TEC: variants seen among roughly 807,000 people sequenced by gnomAD.
TEC encodes tyrosine-protein kinase Tec.
In TEC, 72 loss-of-function variants were observed where a neutral mutation model predicts 93.0. The observed-to-expected ratio is 0.77, with a 90% CI of 0.64 to 0.94. The LOEUF is 0.94. Among genes scored for constraint, TEC ranks in the 40% least tolerant of loss-of-function variants. TEC has a pLI of 0.00. For missense variants in TEC, 630 were observed against 757.9 expected (o/e 0.83, Z 1.98); for synonymous variants, 249 against 247.7 (o/e 1.01, Z -0.05).
intron 12 of TEC, among the ~76,000 whole-genome samples, chr4:48,145,896 GT>G (rs1050590797): frequency 5.8e-4 from 87 of 148,790 alleles, no homozygotes; most frequent in African/African-American, 1.3e-3. Context: ...TCCTTCTCAG[GT>G]TTTTTTTTTG....
intron 1 of TEC, among the ~76,000 whole-genome samples, chr4:48,267,069 T>TG (rs756305015): frequency 6.6e-6 from 1 of 152,186 alleles, no homozygotes; most frequent in Non-Finnish European, 1.5e-5. Flanking sequence ...AAGCCACAAA[T>TG]GGCAAAGAAT....
intron 14 of TEC, among the ~76,000 whole-genome samples, chr4:48,143,752 C>G (rs893547047): frequency 6.6e-6 from 1 of 152,146 alleles, no homozygotes; most frequent in Admixed American, 6.5e-5. Flanking sequence ...GGGTTCAAAT[C>G]CTGGCTCTAC....
intron 2 of TEC, among the ~76,000 whole-genome samples, chr4:48,213,795 AT>A (rs1005697515): frequency 2.0e-5 from 3 of 151,988 alleles, no homozygotes; most frequent in Non-Finnish European, 4.4e-5. Context: ...CTTGTTTTAG[AT>A]TTTTTTTAAG....
chr4:48,171,086 A>T (rs996069207), intron 4 of TEC, among the ~76,000 whole-genome samples: 1 of 152,238 alleles, frequency 6.6e-6, no homozygotes, highest in Non-Finnish European at 1.5e-5. Flanking sequence ...TTCTGTTATC[A>T]TAAAAGCTTG....
At chr4:48,265,726 T>C (rs1724624390) in intron 1 of TEC, among the ~76,000 whole-genome samples, 1 of 152,100 alleles carries the variant, frequency 6.6e-6, no homozygotes, top group Non-Finnish European at 1.5e-5. Context: ...TTGTCCAGAC[T>C]GGTCTCGAAC....
At chr4:48,194,115 C>A (rs547660800) in intron 2 of TEC, among the ~76,000 whole-genome samples, 21 of 152,312 alleles carry the variant, frequency 1.4e-4, no homozygotes, top group Non-Finnish European at 2.4e-4. Flanking sequence ...AATGACAGCC[C>A]TGAGGGTGGG....
intron 2 of TEC, among the ~76,000 whole-genome samples, chr4:48,214,005 ATTATG>A (rs1722992366): frequency 6.6e-6 from 1 of 152,194 alleles, no homozygotes; most frequent in African/African-American, 2.4e-5. Context: ...ATGGAACAAA[ATTATG>A]TGGGGAGTAA....
chr4:48,146,915 A>C (rs953726692), intron 11 of TEC, among the ~76,000 whole-genome samples: 1 of 152,176 alleles, frequency 6.6e-6, no homozygotes, highest in Non-Finnish European at 1.5e-5. Context: ...TATTTCCTCT[A>C]CTACAAGATA....
In TEC at chr4:48,171,468, T is replaced by C; in HGVS notation, c.244-19A>G. ...GAACAACCTAAAATAAAACAAAAGA[T>C]GGAATTGGTGAAGAGGACTTAGACA... On this transcript the variant is annotated intron_variant, in intron 3 of 17. Coordinates refer to ENST00000381501, the MANE Select transcript of TEC (RefSeq NM_003215.3). The C allele has an allele frequency of 8.1e-6, 13 of 1,608,816 alleles. No homozygotes were observed. The highest frequency in any genetic ancestry group is 1.1e-5 in the Non-Finnish European group (13 of 1,176,428).
intron 2 of TEC, among the ~76,000 whole-genome samples, chr4:48,194,511 C>G (rs1577741628): frequency 6.6e-6 from 1 of 152,202 alleles, no homozygotes; most frequent in Non-Finnish European, 1.5e-5. Flanking sequence ...ATAATGGCAG[C>G]TTTCCTATAC....
chr4:48,245,087 T>C lies in TEC; in HGVS notation c.-45-16428A>G, dbSNP rs1560423644. ...AGGCGGGAGTATCACGAGGTGAGGA[T>C]ATTCAGACCATCCTGGCCAACATGG... On this transcript the variant is annotated intron_variant, in intron 1 of 17. Coordinates refer to ENST00000381501, the MANE Select transcript of TEC (RefSeq NM_003215.3). Among the ~76,000 whole-genome samples the C allele has an allele frequency of 2.6e-5, 4 of 151,980 alleles. No homozygotes were observed. In the South Asian group the frequency reaches 8.3e-4, roughly 32 times the overall value.
In TEC at chr4:48,135,790, C is replaced by A. The variant is rs1045701228; in HGVS notation, c.*1626G>T. 1 of 152,116 alleles carries A rather than the reference C, an allele frequency of 6.6e-6. No individual in the cohort carries two copies. Among genetic ancestry groups the A allele is most frequent in the African/African-American group, 2.4e-5 (1 of 41,394 alleles). The allele number at this position is 152,116 out of a possible 1,614,324, so 9.4% of individuals were successfully genotyped here. On this transcript the variant is annotated 3_prime_UTR_variant, in exon 18 of 18. Coordinates refer to ENST00000381501, the MANE Select transcript of TEC (RefSeq NM_003215.3). The stretch of plus-strand genomic sequence containing the variant: ...GAATGTGGCAGATTGTGATAAGGCT[C>A]GGGATAAGCAGTTTACTTTCTTCCA...
At chr4:48,183,743 T>A (rs568682243) in intron 2 of TEC, among the ~76,000 whole-genome samples, 12 of 152,330 alleles carry the variant, frequency 7.9e-5, no homozygotes, top group African/African-American at 2.6e-4. Context: ...GCCTCCATAA[T>A]CTATTGCGTG....
chr4:48,193,559 G>A (rs1722168557), intron 2 of TEC, among the ~76,000 whole-genome samples: 1 of 152,100 alleles, frequency 6.6e-6, no homozygotes, highest in Non-Finnish European at 1.5e-5. Flanking sequence ...AGGGAGAGAT[G>A]GTTATCATTG....
rs147861414 is a variant in TEC at position 48,179,173 on chromosome 4, T to C, written c.139-2987A>G. Among the ~76,000 whole-genome samples, 424 of 151,810 alleles carry C rather than the reference T, an allele frequency of 2.8e-3. 4 individuals carry two copies. The highest frequency in any genetic ancestry group is 9.9e-3 in the African/African-American group (410 of 41,378). ...AATAGGACAAGCTCATTTCCTGAGC[T>C]TGTAGCCGCAGAATTGGGCCAGGTG... On this transcript the variant is annotated intron_variant, in intron 2 of 17. Coordinates refer to ENST00000381501, the MANE Select transcript of TEC (RefSeq NM_003215.3).
intron 10 of TEC, among the ~76,000 whole-genome samples, chr4:48,149,908 G>A (rs1324812721): frequency 2.0e-5 from 3 of 152,216 alleles, no homozygotes; most frequent in Non-Finnish European, 4.4e-5. Context: ...CCCTTTGCAT[G>A]AGATTTTGAA....
chr4:48,170,020 G>C (rs1182691638), intron 5 of TEC, among the ~76,000 whole-genome samples: 1 of 152,138 alleles, frequency 6.6e-6, no homozygotes, highest in African/African-American at 2.4e-5. Context: ...GATTCATTTT[G>C]AACAAGATTC....
Position 48,137,394 on chromosome 4 carries a change from G to C in TEC, c.*22C>G, listed in dbSNP as rs1719470540. On this transcript the variant is annotated 3_prime_UTR_variant, in exon 18 of 18. Coordinates refer to ENST00000381501, the MANE Select transcript of TEC (RefSeq NM_003215.3). ...ATCCTTCCTTGTGCTTGGGAATCTG[G>C]GAGCCACTGGTCACACATCACTTAT... 6.2e-7 allele frequency: 1 copy of C among 1,601,898 alleles called. No homozygotes were observed. The highest frequency in any genetic ancestry group is 1.1e-5 in the South Asian group (1 of 90,158).
chr4:48,238,307 T>A (rs1401235773), intron 1 of TEC, among the ~76,000 whole-genome samples: 2 of 152,246 alleles, frequency 1.3e-5, no homozygotes, highest in African/African-American at 4.8e-5. Flanking sequence ...TATATATTTC[T>A]CCTTTCAGCC....
Sources: allele counts gnomAD v4.1 joint callset (sites outside exome capture counted in the v4.1 genomes callset), GRCh38; gene constraint gnomAD v4.1.1; transcripts MANE v1.5; gene names NCBI Gene and HGNC (gene_info 2026-07-23, HGNC 2026-07-21).